NRROS: variants seen among roughly 807,000 people sequenced by gnomAD.
NRROS encodes the protein negative regulator of reactive oxygen species, also known as transforming growth factor beta activator LRRC33.
Under a neutral mutation model 12.0 loss-of-function variants are expected in NRROS, and 6 were observed. The ratio of observed to expected loss-of-function variants is 0.50; its 90% CI spans 0.27 to 0.98. The LOEUF (loss-of-function observed/expected upper bound fraction) is 0.98. Ranked by LOEUF, NRROS falls within the 50% of genes least tolerant of loss-of-function variation. The pLI is 0.11. For missense variants in NRROS, 857 were observed against 888.2 expected, an observed-to-expected ratio of 0.96 and a Z score of 0.45; for synonymous variants, 462 against 410.2, an observed-to-expected ratio of 1.13 and a Z score of -1.53.
At chr3:196,645,083 A>C (rs2108635919) in intron 1 of NRROS, among the ~76,000 whole-genome samples, 1 of 152,346 alleles carries the variant, frequency 6.6e-6, no homozygotes, top group South Asian at 2.1e-4. Context: ...ATGATCATAA[A>C]AATCAAATAA....
chr3:196,646,261 C>T (rs116822006), intron 1 of NRROS, among the ~76,000 whole-genome samples: 34 of 152,316 alleles, frequency 2.2e-4, no homozygotes, highest in African/African-American at 5.5e-4. Context: ...TCCTTCTTAT[C>T]GAGAAGGGCG....
intron 2 of NRROS, among the ~76,000 whole-genome samples, chr3:196,659,007 A>G (rs1265513977): frequency 1.3e-5 from 2 of 152,166 alleles, no homozygotes; most frequent in African/African-American, 2.4e-5. Context: ...TTTGTCCTAG[A>G]CACCTAAATA....
chr3:196,652,165 C>T (rs1050140861), intron 1 of NRROS, among the ~76,000 whole-genome samples: 3 of 152,168 alleles, frequency 2.0e-5, no homozygotes, highest in African/African-American at 7.2e-5. Context: ...TTAATTGAAC[C>T]TTCCTGCATA....
At chr3:196,645,223 A>G (rs150602473) in intron 1 of NRROS, among the ~76,000 whole-genome samples, 14 of 152,318 alleles carry the variant, frequency 9.2e-5, no homozygotes, top group Admixed American at 3.3e-4. Flanking sequence ...AGCCTGCAGG[A>G]TGAGTAAGAG....
chr3:196,640,613 C>T (rs34214036), intron 1 of NRROS, among the ~76,000 whole-genome samples: 10,088 of 152,284 alleles, frequency 0.066, 456 homozygotes, highest in South Asian at 0.099. Context: ...CTTCCGTAGC[C>T]CTCGTGGCCC....
chr3:196,660,182 T>A lies in NRROS; in HGVS notation c.539T>A (p.Leu180Gln). 6.2e-7 allele frequency: 1 copy of A among 1,613,104 alleles called. No homozygotes were observed. The highest frequency in any genetic ancestry group is 1.7e-5 in the Admixed American group (1 of 60,028). ...MRLDDSVFEG[L>Q]ERLRELDLQR... ...CTGGACGACTCCGTCTTCGAGGGCC[T>A]GGAGCGTCTCCGGGAGCTGGATCTG... The change falls in exon 3 of 3, where the codon CTG becomes CAG. Residue 180 changes from leucine (L) to glutamine (Q), a missense_variant. Physicochemically the swap from Leu to Gln is moderately radical, Grantham distance 113 (BLOSUM62 -2). Coordinates refer to ENST00000328557, the MANE Select transcript of NRROS (RefSeq NM_198565.3). This position sits in a 1 kb window ranked among gnomAD's most constrained non-coding sequence, Gnocchi z 7.7.
At position 196,660,543 on chromosome 3, in the gene NRROS, G is replaced by A; in HGVS notation, c.900G>A (p.Val300=). The change falls in exon 3 of 3, where the codon GTG becomes GTA. Residue 300 remains valine (V), a synonymous_variant. Transcript: ENST00000328557. This position sits in a 1 kb window ranked among gnomAD's most constrained non-coding sequence, Gnocchi z 7.7. ...LYNTSSPREM[V]AQFLLVDGNV... is the part of the protein sequence containing the mutation. ...ACACCTCGTCGCCGAGGGAGATGGT[G>A]GCCCAGTTCCTCCTCGTGGACGGCA... The A allele has an allele frequency of 6.2e-7, 1 of 1,614,116 alleles. No homozygotes were observed. The highest frequency in any genetic ancestry group is 8.5e-7 in the Non-Finnish European group (1 of 1,180,034).
Position 196,661,876 on chromosome 3 carries a change from C to T in NRROS, c.*154C>T, listed in dbSNP as rs548506703. On this transcript the variant is annotated 3_prime_UTR_variant, in exon 3 of 3. Transcript: ENST00000328557. ...CATTCCTCATCGCCCACCCCACCCC[C>T]GCCCCCACCACCGCCCAAGTTCTTT... is the stretch of plus-strand genomic sequence containing the variant. 1.5e-4 allele frequency: 78 copies of T among 516,546 alleles called. No individual in the cohort carries two copies. The highest frequency in any genetic ancestry group is 1.2e-3 in the African/African-American group (61 of 52,322). 32.0% of individuals were successfully genotyped at this position (516,546 alleles called of 1,614,324 possible). A position where few individuals can be genotyped will look rare whatever the true frequency, so the allele number is the denominator to read the frequency against.
At chr3:196,652,592 GT>G (rs145061631) in intron 1 of NRROS, among the ~76,000 whole-genome samples, 35 of 152,280 alleles carry the variant, frequency 2.3e-4, no homozygotes, top group Middle Eastern at 3.4e-3. Flanking sequence ...CACAACAAGA[GT>G]TTTTTTCTGG....
chr3:196,643,609 C>T (rs1737249830), intron 1 of NRROS, among the ~76,000 whole-genome samples: 1 of 152,246 alleles, frequency 6.6e-6, no homozygotes, highest in South Asian at 2.1e-4. Flanking sequence ...TGTCTGTTCT[C>T]AAGCAGGACC....
chr3:196,647,544 C>A (rs1281759222), intron 1 of NRROS, among the ~76,000 whole-genome samples: 1 of 152,184 alleles, frequency 6.6e-6, no homozygotes, highest in African/African-American at 2.4e-5. Context: ...TACCAAAGAT[C>A]ACAATCGGTT....
At position 196,661,574 on chromosome 3, in the gene NRROS, A is replaced by T; in HGVS notation, c.1931A>T (p.Glu644Val). The T allele has an allele frequency of 6.2e-7, 1 of 1,613,876 alleles. No individual in the cohort carries two copies. Among genetic ancestry groups the T allele is most frequent in the Non-Finnish European group, 8.5e-7 (1 of 1,179,990 alleles). Reference protein sequence around the residue: ...PGGVPRDCKWERLDLGLLYLV... With the variant: ...PGGVPRDCKWVRLDLGLLYLV... Reference sequence around the variant, plus strand: ...GGTGTGCCTCGGGACTGCAAGTGGGAGCGGCTGGACCTGGGCCTGCTCTAC... The same window carrying T: ...GGTGTGCCTCGGGACTGCAAGTGGGTGCGGCTGGACCTGGGCCTGCTCTAC... The change falls in exon 3 of 3, where the codon GAG (glutamate) becomes GTG (valine). Residue 644 changes from glutamate (E) to valine (V), a missense_variant. Coordinates refer to ENST00000328557, the MANE Select transcript of NRROS (RefSeq NM_198565.3).
rs1290002107 is a variant in NRROS, at chr3:196,654,148, A to G, written c.-13-379A>G. ...AGTACTTACTGAGCTCAGGGGATGC[A>G]TCAGACCGATTGGAGCTGGAGGCAG... On this transcript the variant is annotated intron_variant, in intron 1 of 2. Transcript: ENST00000328557. The surrounding 1 kb of genome is among the most constrained non-coding windows in gnomAD (Gnocchi z 4.4). Among the ~76,000 whole-genome samples the G allele has an allele frequency of 6.6e-6, 1 of 152,194 alleles. No individual in the cohort carries two copies. Among genetic ancestry groups the G allele is most frequent in the Non-Finnish European group, 1.5e-5 (1 of 68,038 alleles).
chr3:196,643,073 CAAA>C (rs10719005), intron 1 of NRROS, among the ~76,000 whole-genome samples: 58,383 of 129,310 alleles, frequency 0.45, 13,362 homozygotes, highest in African/African-American at 0.66. Flanking sequence ...AATTCTGTCT[CAAA>C]AAAAAAAAAA....
At chr3:196,646,243 C>T (rs1344194476) in intron 1 of NRROS, among the ~76,000 whole-genome samples, 1 of 152,220 alleles carries the variant, frequency 6.6e-6, no homozygotes, top group East Asian at 1.9e-4. Context: ...TACACAGGTC[C>T]CACCTGCTCC....
chr3:196,642,689 A>T (rs1285147785), intron 1 of NRROS, among the ~76,000 whole-genome samples: 1 of 152,156 alleles, frequency 6.6e-6, no homozygotes, highest in Non-Finnish European at 1.5e-5. Context: ...ACCCGAACAC[A>T]CAGACTTTTG....
At chr3:196,640,914 T>C (rs921228356) in intron 1 of NRROS, among the ~76,000 whole-genome samples, 6 of 152,190 alleles carry the variant, frequency 3.9e-5, no homozygotes, top group African/African-American at 1.4e-4. Context: ...GCTAGAAACA[T>C]TCAGCGTCTG....
intron 1 of NRROS, among the ~76,000 whole-genome samples, chr3:196,651,761 C>T (rs781014696): frequency 5.9e-5 from 9 of 152,006 alleles, no homozygotes; most frequent in Non-Finnish European, 8.8e-5. Flanking sequence ...AGCAAAACTC[C>T]GTCTCAAAAA....
chr3:196,661,029 A>G lies in NRROS; in HGVS notation c.1386A>G (p.Ala462=). ...GCTGTGTGGATTTCAGGAATATGGC[A>G]TCTTTAAGGAGCCTGTCTCTGGAGG... The part of the protein sequence containing the change: ...PPSCVDFRNM[A]SLRSLSLEGC... Residue 462 remains alanine (A), a synonymous_variant, in exon 3 of 3, where the codon GCA becomes GCG. Transcript: ENST00000328557. 1.2e-6 allele frequency: 2 copies of G among 1,614,038 alleles called. No individual in the cohort carries two copies. Among genetic ancestry groups the G allele is most frequent in the Non-Finnish European group, 1.7e-6 (2 of 1,179,992 alleles).
Sources: gnomAD v4.1 joint callset for allele counts (sites outside exome capture counted in the v4.1 genomes callset) on GRCh38, gnomAD v4.1.1 for gene constraint, Gnocchi (gnomAD v3.1) non-coding constraint, MANE v1.5 for transcripts, NCBI Gene and HGNC (gene_info 2026-07-23, HGNC 2026-07-21) for gene names.